Variants in GRSF1 observed in about 807,000 individuals in gnomAD.
GRSF1 encodes G-rich sequence factor 1.
Under a neutral mutation model 51.1 loss-of-function variants are expected in GRSF1, and 50 were observed. The ratio of observed to expected loss-of-function variants is 0.98; its 90% CI spans 0.78 to 1.24. GRSF1 has a LOEUF of 1.24. Among genes scored for constraint, GRSF1 ranks in the 50% most tolerant of loss-of-function variants. The pLI, the probability that GRSF1 is intolerant of heterozygous loss-of-function variation, is 0.00. For synonymous variants in GRSF1, 293 were observed against 253.3 expected (o/e 1.16, Z -1.49); for missense variants, 700 against 639.7 (o/e 1.09, Z -1.02).
rs1206253192 is a variant in GRSF1, at chr4:70,826,127, T to C, written c.1254A>G (p.Ile418Met). Residue 418 changes from isoleucine to methionine, a missense_variant, in exon 7 of 10, where the codon ATA becomes ATG. Transcript: ENST00000254799. ...LPFQANAQDI[I>M]NFFAPLKPVR... Reference sequence around the variant, plus strand: ...TGGATATCTTACTGCCACACACGTTTATAATGTCTTGGGCATTGGCTTGGA... The same window carrying C: ...TGGATATCTTACTGCCACACACGTTCATAATGTCTTGGGCATTGGCTTGGA... 6.2e-7 allele frequency: 1 copy of C among 1,610,386 alleles called. No individual in the cohort carries two copies.
At position 70,827,869 on chromosome 4, in the gene GRSF1, T is replaced by C. The variant is rs1560596672; in HGVS notation, c.1118A>G (p.Glu373Gly). The change falls in exon 6 of 10, where the codon GAA becomes GGA. Residue 373 changes from glutamate to glycine, a missense_variant. Transcript: ENST00000254799. ...GACCTTACCTATTTCCTTCTCACTTTCAAAAGCTGTCATGGGTTGAATATC... is the reference window on the plus strand; with the variant it reads ...GACCTTACCTATTTCCTTCTCACTTCCAAAAGCTGTCATGGGTTGAATATC... Reference protein sequence around the residue: ...NEDIQPMTAFESEKEIELPKE... With the variant: ...NEDIQPMTAFGSEKEIELPKE... 1 of 1,611,528 alleles carries C rather than the reference T, an allele frequency of 6.2e-7. No individual in the cohort carries two copies. The highest frequency in any genetic ancestry group is 8.5e-7 in the Non-Finnish European group (1 of 1,178,548).
intron 1 of GRSF1, among the ~76,000 whole-genome samples, chr4:70,838,267 T>C (rs922389919): frequency 1.2e-4 from 17 of 140,530 alleles, no homozygotes; most frequent in Non-Finnish European, 2.2e-4. Flanking sequence ...AAGGAATAAA[T>C]GTAAGCAGTG....
chr4:70,837,563 CA>C lies in GRSF1; in HGVS notation c.358-1250del, dbSNP rs11419852. Among the ~76,000 whole-genome samples, 216 of 89,070 alleles carry C rather than the reference CA, an allele frequency of 2.4e-3. 1 individual carries two copies. Among genetic ancestry groups the C allele is most frequent in the African/African-American group, 9.1e-3 (201 of 22,028 alleles). The allele number at this position is 89,070 out of a possible 152,430, so 58.4% of individuals were successfully genotyped here. ...TGGGCAACAGAGCAAGACTCCGTCT[CA>C]AAAAAAAAAAAAAAAAAAGACTTGC... On this transcript the variant is annotated intron_variant, in intron 1 of 9. Coordinates refer to ENST00000254799, the MANE Select transcript of GRSF1 (RefSeq NM_002092.4).
intron 1 of GRSF1, among the ~76,000 whole-genome samples, chr4:70,837,722 C>T (rs1024760600): frequency 6.0e-5 from 9 of 151,198 alleles, no homozygotes; most frequent in Non-Finnish European, 5.9e-5. Flanking sequence ...CTCACTGCAA[C>T]CTCCCCGGGT....
intron 2 of GRSF1, among the ~76,000 whole-genome samples, chr4:70,835,578 T>G (rs1319215463): frequency 6.6e-6 from 1 of 150,840 alleles, no homozygotes; most frequent in Admixed American, 6.6e-5. Flanking sequence ...TGCCTCAGCC[T>G]CCCAAGTAGC....
intron 9 of GRSF1, among the ~76,000 whole-genome samples, chr4:70,822,639 AAATTT>A (rs1482641985): frequency 6.6e-6 from 1 of 151,436 alleles, no homozygotes; most frequent in East Asian, 1.9e-4. Context: ...AAACGTGTTT[AAATTT>A]AAGTGGGGAA....
At position 70,817,649 on chromosome 4, in the gene GRSF1, A is replaced by T. The variant is rs982402094; in HGVS notation, c.*3238T>A. The stretch of plus-strand genomic sequence containing the variant: ...ACTAATGAGGGTGAGGAGCTACAGG[A>T]ACTCTTATTCATTGTCAATGGGAAT... On this transcript the variant is annotated 3_prime_UTR_variant, in exon 10 of 10. Transcript: ENST00000254799. 3 of 152,202 alleles carry T rather than the reference A, an allele frequency of 2.0e-5. No individual in the cohort carries two copies. Among genetic ancestry groups the T allele is most frequent in the African/African-American group, 4.8e-5 (2 of 41,442 alleles). 9.4% of individuals were successfully genotyped at this position (152,202 alleles called of 1,614,324 possible). A position where few individuals can be genotyped will look rare whatever the true frequency, so the allele number is the denominator to read the frequency against.
chr4:70,820,159 A>T lies in GRSF1; in HGVS notation c.*728T>A, dbSNP rs1379511834. ...TACCCCAAACCAAAAAAAGCCAGGGAGGGACAGTTTAGACAACTTTTAAGT... is the reference window on the plus strand; with the variant it reads ...TACCCCAAACCAAAAAAAGCCAGGGTGGGACAGTTTAGACAACTTTTAAGT... On this transcript the variant is annotated 3_prime_UTR_variant, in exon 10 of 10. Transcript: ENST00000254799. 6.6e-6 allele frequency: 1 copy of T among 152,276 alleles called. No individual in the cohort carries two copies. Among genetic ancestry groups the T allele is most frequent in the African/African-American group, 2.4e-5 (1 of 41,456 alleles). The allele number at this position is 152,276 out of a possible 1,614,324, so 9.4% of individuals were successfully genotyped here.
chr4:70,825,354 C>G lies in GRSF1; in HGVS notation c.1335G>C (p.Val445=). ...CAGCATCCTCATGGGTCTCAAAGTG[C>G]ACATCAGCTTCTCCAGTGGCCTTCC... The part of the protein sequence containing the change: ...SSGKATGEAD[V]HFETHEDAVA... The change falls in exon 8 of 10, where the codon GTG becomes GTC. Residue 445 remains valine, a synonymous_variant. Transcript: ENST00000254799. 1 of 1,611,972 alleles carries G rather than the reference C, an allele frequency of 6.2e-7. No individual in the cohort carries two copies. The highest frequency in any genetic ancestry group is 8.5e-7 in the Non-Finnish European group (1 of 1,178,422).
chr4:70,825,520 T>C, intron 7 of GRSF1, 89 bp from the exon 8 acceptor site: 1 of 962,764 alleles, frequency 1.0e-6, no homozygotes, highest in Non-Finnish European at 1.5e-6. Flanking sequence ...CTTTCAGACT[T>C]TGATTCATAC....
In GRSF1 at chr4:70,821,419, G is replaced by A. The variant is rs968057373; in HGVS notation, c.*26-558C>T. ...CAACCTGGGCAACGAGAGAAACTCC[G>A]TCTCAAAAAATAAATAAATAAAAAT... is the stretch of plus-strand genomic sequence containing the variant. On this transcript the variant is annotated intron_variant, in intron 9 of 9. Transcript: ENST00000254799. Among the ~76,000 whole-genome samples, 11 of 106,550 alleles carry A rather than the reference G, an allele frequency of 1.0e-4. No homozygotes were observed. In the South Asian group the frequency reaches 1.2e-3, roughly 11 times the overall value. 69.9% of individuals were successfully genotyped at this position (106,550 alleles called of 152,430 possible).
chr4:70,835,511 C>T (rs1734169865), intron 2 of GRSF1, among the ~76,000 whole-genome samples: 2 of 147,928 alleles, frequency 1.4e-5, no homozygotes, highest in Admixed American at 6.7e-5. Context: ...GGCTGGAATG[C>T]AGTGGCACCA....
At position 70,839,851 on chromosome 4, in the gene GRSF1, C is replaced by T. The variant is rs1163561660; in HGVS notation, c.-24G>A. 4.1e-6 allele frequency: 6 copies of T among 1,461,394 alleles called. No homozygotes were observed. The South Asian group carries it at 6.6e-5, about 16-fold the overall frequency. 90.5% of individuals were successfully genotyped at this position (1,461,394 alleles called of 1,614,324 possible). ...ATGGACTCCGGAGGCGGCGCAGGGCCTGAAGGCAGCTGCTCCAGCAGCGAT... is the reference window on the plus strand; with the variant it reads ...ATGGACTCCGGAGGCGGCGCAGGGCTTGAAGGCAGCTGCTCCAGCAGCGAT... On this transcript the variant is annotated 5_prime_UTR_variant, in exon 1 of 10. Coordinates refer to ENST00000254799, the MANE Select transcript of GRSF1 (RefSeq NM_002092.4).
chr4:70,818,631 A>G lies in GRSF1; in HGVS notation c.*2256T>C, dbSNP rs1293962613. ...GACCACAATATTCAGATGAGACCAC[A>G]ATATTCAGCAATCAGCTCCCTGGTA... On this transcript the variant is annotated 3_prime_UTR_variant, in exon 10 of 10. Coordinates refer to ENST00000254799, the MANE Select transcript of GRSF1 (RefSeq NM_002092.4). 6.6e-6 allele frequency: 1 copy of G among 152,160 alleles called. No homozygotes were observed. Among genetic ancestry groups the G allele is most frequent in the Non-Finnish European group, 1.5e-5 (1 of 68,034 alleles). 9.4% of individuals were successfully genotyped at this position (152,160 alleles called of 1,614,324 possible).
At chr4:70,826,007 T>G (rs1733720802) in intron 7 of GRSF1, 117 bp downstream of exon 7, 2 of 830,020 alleles carry the variant, frequency 2.4e-6, no homozygotes, top group Non-Finnish European at 3.9e-6. Context: ...AGATGCCATC[T>G]TACTATCCAA....
intron 1 of GRSF1, 72 bp downstream of exon 1, chr4:70,839,399 G>T: frequency 2.0e-6 from 3 of 1,508,948 alleles, no homozygotes; most frequent in Non-Finnish European, 2.7e-6. Context: ...ACGGAGGGAC[G>T]GAGGGGCGCG....
At chr4:70,842,189 TC>T (rs1734473411), upstream of GRSF1, among the ~76,000 whole-genome samples, 1 of 152,192 alleles carries the variant, frequency 6.6e-6, no homozygotes, top group Non-Finnish European at 1.5e-5. Flanking sequence ...CACTGCTTGT[TC>T]GTGATTTGTT....
chr4:70,830,072 T>G (rs1161619615), intron 5 of GRSF1, among the ~76,000 whole-genome samples: 6 of 152,178 alleles, frequency 3.9e-5, no homozygotes, highest in African/African-American at 1.4e-4. Flanking sequence ...ATCTAATTTC[T>G]TCAAAAGTCA....
intron 9 of GRSF1, among the ~76,000 whole-genome samples, chr4:70,821,543 T>A (rs1560592582): frequency 1.4e-5 from 2 of 144,450 alleles, no homozygotes; most frequent in African/African-American, 5.1e-5. Flanking sequence ...GGGGCGGAGG[T>A]TGCAGTAAGC....
Sources: gnomAD v4.1 joint callset for allele counts (sites outside exome capture counted in the v4.1 genomes callset) on GRCh38, gnomAD v4.1.1 for gene constraint, MANE v1.5 for transcripts, NCBI Gene and HGNC (gene_info 2026-07-23, HGNC 2026-07-21) for gene names.